CWC25: variants seen among roughly 807,000 people sequenced by gnomAD.
CWC25 encodes the protein CWC25 spliceosome associated protein.
In CWC25, 31 loss-of-function variants were observed where a neutral mutation model predicts 54.6. That is an observed-to-expected ratio of 0.57 (90% CI 0.43 to 0.77). CWC25 has a LOEUF of 0.77. Ranked by LOEUF, CWC25 falls within the 30% of genes least tolerant of loss-of-function variation. CWC25 has a pLI of 0.00. For missense variants in CWC25, 453 were observed against 529.3 expected (o/e 0.86, Z 1.41); for synonymous variants, 151 against 187.0 (o/e 0.81, Z 1.57).
chr17:38,821,554 G>A (rs141170996), intron 1 of CWC25, among the ~76,000 whole-genome samples: 23 of 152,190 alleles, frequency 1.5e-4, no homozygotes, highest in Admixed American at 5.2e-4. Context: ...GCAAGACTCC[G>A]TCTCAAAACA....
intron 2 of CWC25, among the ~76,000 whole-genome samples, chr17:38,818,595 A>AC (rs1911797821): frequency 6.8e-6 from 1 of 146,520 alleles, no homozygotes; most frequent in African/African-American, 2.6e-5. Context: ...TCTCAAAAAA[A>AC]AAAAAAAAAA....
chr17:38,812,974 T>G, intron 3 of CWC25, 110 bp from the exon 4 acceptor site: 1 of 668,732 alleles, frequency 1.5e-6, no homozygotes. Context: ...AAAATCTACA[T>G]GATTAGCTGG....
intron 8 of CWC25, among the ~76,000 whole-genome samples, chr17:38,805,967 C>T (rs1473380801): frequency 6.6e-6 from 1 of 152,148 alleles, no homozygotes; most frequent in Non-Finnish European, 1.5e-5. Flanking sequence ...CATGTGCCAC[C>T]ATGACCAACT....
intron 7 of CWC25, 26 bp from the exon 8 acceptor site, chr17:38,806,421 G>A (rs1431413423): frequency 6.3e-7 from 1 of 1,599,030 alleles, no homozygotes; most frequent in Non-Finnish European, 8.5e-7. Context: ...AAGGCAAAGA[G>A]GAAAAAGCCT....
At position 38,814,886 on chromosome 17, in the gene CWC25, G is replaced by A. The variant is rs367659955; in HGVS notation, c.403C>T (p.Arg135Trp). 91 of 1,613,006 alleles carry A rather than the reference G, an allele frequency of 5.6e-5. No homozygotes were observed. The highest frequency in any genetic ancestry group is 1.6e-4 in the Middle Eastern group (1 of 6,078). The change falls in exon 3 of 10, where the codon CGG (arginine) becomes TGG (tryptophan). Residue 135 changes from arginine to tryptophan, a missense_variant. Arg to Trp is a moderately radical substitution (Grantham distance 101, BLOSUM62 -3). This residue lies in a region of CWC25 where 444 missense variants were observed against 499.2 expected (regional missense o/e 0.89). Coordinates refer to ENST00000614790, the MANE Select transcript of CWC25 (RefSeq NM_017748.5). ...CTGATGATGAAGAGTGGGTCCTCCC[G>A]GATCTTGCTGGCCATGTCAAGAAGG... ...NSLLDMASKI[R>W]EDPLFIIRKK...
intron 3 of CWC25, among the ~76,000 whole-genome samples, chr17:38,814,333 G>A (rs1210066298): frequency 4.0e-5 from 6 of 149,368 alleles, no homozygotes; most frequent in Admixed American, 2.0e-4. Context: ...GCCCAGGCTG[G>A]AATGCAGTGG....
At chr17:38,824,613 G>A (rs1335144583) in intron 1 of CWC25, among the ~76,000 whole-genome samples, 1 of 151,928 alleles carries the variant, frequency 6.6e-6, no homozygotes, top group African/African-American at 2.4e-5. Context: ...TTGAACCCAG[G>A]AGGGAAAGGT....
chr17:38,809,193 C>T (rs1448611384), intron 6 of CWC25, among the ~76,000 whole-genome samples: 9 of 151,696 alleles, frequency 5.9e-5, no homozygotes, highest in Middle Eastern at 3.4e-3. Context: ...TTTGGGAGGC[C>T]GAGGCGGAGG....
At chr17:38,819,980 T>G (rs1346228270) in intron 2 of CWC25, among the ~76,000 whole-genome samples, 1 of 151,638 alleles carries the variant, frequency 6.6e-6, no homozygotes. Context: ...CTAATTTTTT[T>G]CTATTGTTTT....
rs973000114 is a variant in CWC25, at chr17:38,806,786, C to T, written c.881G>A (p.Arg294Gln). The change falls in exon 7 of 10, where the codon CGG becomes CAG. Residue 294 changes from arginine to glutamine, a missense_variant. Physicochemically the swap from Arg to Gln is conservative, Grantham distance 43. Coordinates refer to ENST00000614790, the MANE Select transcript of CWC25 (RefSeq NM_017748.5). ...TCACAGTTTGCTGGGTCTTGGGGAC[C>T]GTGACCTTCTGCCCAGGGATCGAGA... ...RRSRSLGRRS[R>Q]SPRPSKLHNS... The T allele has an allele frequency of 3.1e-6, 5 of 1,601,150 alleles. No homozygotes were observed. Among genetic ancestry groups the T allele is most frequent in the East Asian group, 2.2e-5 (1 of 44,732 alleles).
intron 2 of CWC25, among the ~76,000 whole-genome samples, chr17:38,815,997 C>A (rs534880842): frequency 6.6e-5 from 10 of 152,156 alleles, no homozygotes; most frequent in African/African-American, 1.7e-4. Flanking sequence ...AGTGAATAAA[C>A]CCTGGTCTCA....
At chr17:38,823,150 T>A (rs1911996359) in intron 1 of CWC25, among the ~76,000 whole-genome samples, 1 of 147,930 alleles carries the variant, frequency 6.8e-6, no homozygotes, top group South Asian at 2.1e-4. Context: ...ACTCCAACTT[T>A]TTTTTTAACT....
chr17:38,803,810 G>T (rs1442014241), intron 8 of CWC25, among the ~76,000 whole-genome samples: 4 of 151,828 alleles, frequency 2.6e-5, no homozygotes, highest in African/African-American at 9.7e-5. Flanking sequence ...GGCTTAGGCA[G>T]GAGGATTGCT....
At chr17:38,812,333 G>A (rs776606399) in intron 4 of CWC25, among the ~76,000 whole-genome samples, 4 of 151,996 alleles carry the variant, frequency 2.6e-5, no homozygotes, top group Non-Finnish European at 4.4e-5. Context: ...CTCTTCTTCT[G>A]GAAAAACGAC....
At chr17:38,809,434 AAAAAAAAC>A (rs1911394839) in intron 6 of CWC25, among the ~76,000 whole-genome samples, 1 of 151,896 alleles carries the variant, frequency 6.6e-6, no homozygotes, top group South Asian at 2.1e-4. Context: ...CTCAAAAAAA[AAAAAAAAC>A]AAAAAAACCT....
intron 4 of CWC25, among the ~76,000 whole-genome samples, chr17:38,811,515 T>A (rs925597155): frequency 7.4e-6 from 1 of 134,688 alleles, no homozygotes; most frequent in African/African-American, 3.0e-5. Flanking sequence ...CACTCCACCT[T>A]GGGCAACAGA....
intron 9 of CWC25, 133 bp downstream of exon 9, chr17:38,802,567 G>A (rs1375520443): frequency 2.2e-6 from 2 of 899,692 alleles, no homozygotes; most frequent in Non-Finnish European, 3.3e-6. Context: ...CAGAAAGGAA[G>A]AGTAGTAGCC....
intron 8 of CWC25, among the ~76,000 whole-genome samples, chr17:38,804,264 C>T (rs1361789501): frequency 6.6e-6 from 1 of 151,928 alleles, no homozygotes; most frequent in African/African-American, 2.4e-5. Context: ...CTCACTGAAC[C>T]AAAAATTCTG....
chr17:38,816,991 T>C (rs1252832377), intron 2 of CWC25, among the ~76,000 whole-genome samples: 3 of 125,988 alleles, frequency 2.4e-5, no homozygotes, highest in African/African-American at 1.2e-4. Flanking sequence ...CCCAAGACCC[T>C]TTAGAATTTT....
Sources: gnomAD v4.1 joint callset for allele counts (sites outside exome capture counted in the v4.1 genomes callset) on GRCh38, gnomAD v4.1.1 for gene constraint, gnomAD v4.1.1 regional missense constraint, MANE v1.5 for transcripts, NCBI Gene and HGNC (gene_info 2026-07-23, HGNC 2026-07-21) for gene names.